The following NDUFB6 variants were observed in gnomAD, a reference collection of about 807,000 sequenced individuals.
NDUFB6 encodes NADH:ubiquinone oxidoreductase subunit B6, also known as NADH dehydrogenase [ubiquinone] 1 beta subcomplex subunit 6.
Under a neutral mutation model 17.5 loss-of-function variants are expected in NDUFB6, and 23 were observed. The ratio of observed to expected loss-of-function variants is 1.31; its 90% CI spans 0.94 to 1.86. The LOEUF is 1.86. Among genes scored for constraint, NDUFB6 ranks in the 40% most tolerant of loss-of-function variants. The pLI is 0.00. For synonymous variants in NDUFB6, 60 were observed against 53.5 expected (o/e 1.12, Z -0.53); for missense variants, 167 against 153.8 (o/e 1.09, Z -0.46).
intron 3 of NDUFB6, among the ~76,000 whole-genome samples, chr9:32,557,436 T>C (rs1821496292): frequency 6.6e-6 from 1 of 151,660 alleles, no homozygotes; most frequent in South Asian, 2.1e-4. Flanking sequence ...CCCATAGTGC[T>C]GTAATTACAG....
chr9:32,573,012 C>G lies in NDUFB6; in HGVS notation c.49G>C (p.Glu17Gln), dbSNP rs750770386. 1 of 1,604,928 alleles carries G rather than the reference C, an allele frequency of 6.2e-7. No individual in the cohort carries two copies. Among genetic ancestry groups the G allele is most frequent in the Middle Eastern group, 1.7e-4 (1 of 6,012 alleles). The change falls in exon 1 of 4, where the codon GAG becomes CAG. Residue 17 changes from glutamate (E) to glutamine (Q), a missense_variant. By Grantham distance (29) the Glu-to-Gln change is conservative. Coordinates refer to ENST00000379847, the MANE Select transcript of NDUFB6 (RefSeq NM_002493.5). ...DEKLRLQQLR[E>Q]LRRRWLKDQE... ...TCCTTCAGCCATCGCCTTCTCAGCT[C>G]TCGCAGCTGCTGCAGCCGCAGTTTC... is the stretch of plus-strand genomic sequence containing the variant.
intron 3 of NDUFB6, among the ~76,000 whole-genome samples, chr9:32,558,159 T>A (rs1242480475): frequency 2.0e-5 from 3 of 149,312 alleles, no homozygotes; most frequent in Non-Finnish European, 4.4e-5. Flanking sequence ...TCACCCAGGC[T>A]GGAGTGCAGT....
intron 3 of NDUFB6, among the ~76,000 whole-genome samples, chr9:32,557,976 C>T (rs1422526959): frequency 1.3e-5 from 2 of 152,150 alleles, no homozygotes; most frequent in Non-Finnish European, 2.9e-5. Flanking sequence ...TAGAAATAGA[C>T]AAGAACATAG....
chr9:32,563,491 C>CTTTTTTTTTTTTTTTTTTT lies in NDUFB6; in HGVS notation c.274-4538_274-4537insAAAAAAAAAAAAAAAAAAA, dbSNP rs111646430. The stretch of plus-strand genomic sequence containing the variant: ...CTCCTGAACAGGTGGGACTATTGGG[C>CTTTTTTTTTTTTTTTTTTT]TTTTTTTTTTTTTGGAGGGATGGGG... On this transcript the variant is annotated intron_variant, in intron 2 of 3. Coordinates refer to ENST00000379847, the MANE Select transcript of NDUFB6 (RefSeq NM_002493.5). 9.9e-4 allele frequency among the ~76,000 whole-genome samples: 91 copies of CTTTTTTTTTTTTTTTTTTT among 91,974 alleles called. 12 individuals carry two copies. The highest frequency in any genetic ancestry group is 3.3e-3 in the African/African-American group (74 of 22,572). The allele number at this position is 91,974 out of a possible 152,430, so 60.3% of individuals were successfully genotyped here.
chr9:32,560,412 G>C (rs948437905), intron 2 of NDUFB6, among the ~76,000 whole-genome samples: 1 of 152,142 alleles, frequency 6.6e-6, no homozygotes, highest in African/African-American at 2.4e-5. Context: ...GAAAAATGTA[G>C]TTAAATTTAG....
At chr9:32,566,336 T>C in intron 2 of NDUFB6, 2 of 1,173,630 alleles carry the variant, frequency 1.7e-6, no homozygotes, top group African/African-American at 1.5e-5. Context: ...GTTCTTTAAC[T>C]GCTTCCACCA....
chr9:32,555,872 A>G (rs775548959), intron 3 of NDUFB6, among the ~76,000 whole-genome samples: 3 of 152,232 alleles, frequency 2.0e-5, no homozygotes, highest in African/African-American at 7.2e-5. Flanking sequence ...GTGCCCATTC[A>G]AGTAATTTCT....
intron 2 of NDUFB6, among the ~76,000 whole-genome samples, chr9:32,560,106 A>C (rs1213605299): frequency 6.6e-6 from 1 of 152,234 alleles, no homozygotes; most frequent in African/African-American, 2.4e-5. Context: ...AAGTCATCTG[A>C]GAGATGCAGA....
At chr9:32,557,539 C>T (rs1235496539) in intron 3 of NDUFB6, among the ~76,000 whole-genome samples, 3 of 151,374 alleles carry the variant, frequency 2.0e-5, no homozygotes, top group Non-Finnish European at 4.4e-5. Flanking sequence ...GAGTGCAGTG[C>T]CACGATCTCA....
chr9:32,558,710 T>G (rs947953300), intron 3 of NDUFB6, among the ~76,000 whole-genome samples, 200 bp downstream of exon 3: 27 of 152,194 alleles, frequency 1.8e-4, no homozygotes, highest in African/African-American at 6.0e-4. Flanking sequence ...CACTTCCCAT[T>G]TGAACTGTAA....
chr9:32,557,669 G>A (rs979651745), intron 3 of NDUFB6, among the ~76,000 whole-genome samples: 1 of 151,780 alleles, frequency 6.6e-6, no homozygotes, highest in Non-Finnish European at 1.5e-5. Flanking sequence ...AGTAGAGACG[G>A]GGTTTCACCA....
chr9:32,554,694 C>T (rs1362668994), intron 3 of NDUFB6, among the ~76,000 whole-genome samples: 2 of 152,134 alleles, frequency 1.3e-5, no homozygotes, highest in East Asian at 3.8e-4. Flanking sequence ...TGCCATTATA[C>T]ATTTGGGCAA....
intron 2 of NDUFB6, chr9:32,567,779 C>G: frequency 6.9e-6 from 2 of 290,836 alleles, no homozygotes; most frequent in South Asian, 7.1e-5. Flanking sequence ...GTGACTGTTC[C>G]ACCAACTGGC....
intron 2 of NDUFB6, among the ~76,000 whole-genome samples, chr9:32,560,208 A>C (rs1479868623): frequency 6.6e-6 from 1 of 152,230 alleles, no homozygotes; most frequent in Non-Finnish European, 1.5e-5. Flanking sequence ...CAAGAGAAAA[A>C]GTAAGGTAAG....
intron 2 of NDUFB6, chr9:32,567,309 T>A (rs950327449): frequency 2.1e-6 from 1 of 470,302 alleles, no homozygotes; most frequent in Non-Finnish European, 4.4e-6. Flanking sequence ...TCACTTCACG[T>A]CTCTGTGCCA....
At chr9:32,562,558 T>C (rs2119016280) in intron 2 of NDUFB6, among the ~76,000 whole-genome samples, 1 of 152,360 alleles carries the variant, frequency 6.6e-6, no homozygotes, top group East Asian at 1.9e-4. Flanking sequence ...GTCTTTATTC[T>C]GAAATAATTT....
intron 2 of NDUFB6, among the ~76,000 whole-genome samples, chr9:32,564,227 T>C (rs1821711634): frequency 6.6e-6 from 1 of 152,216 alleles, no homozygotes; most frequent in South Asian, 2.1e-4. Flanking sequence ...TACCTCCAAT[T>C]CCATTCTACC....
rs554610387 is a variant in NDUFB6, at chr9:32,572,676, G to A, written c.180+205C>T. Among the ~76,000 whole-genome samples, 7 of 152,332 alleles carry A rather than the reference G, an allele frequency of 4.6e-5. No homozygotes were observed. In the South Asian group the frequency reaches 1.4e-3, roughly 32 times the overall value. ...TCGCCCCCGTCCACTGTACTTGACA[G>A]TAAAAGGCATGATTCTCTCAAAGCC... On this transcript the variant is annotated intron_variant, in intron 1 of 3. Transcript: ENST00000379847.
intron 1 of NDUFB6, among the ~76,000 whole-genome samples, chr9:32,572,427 T>C (rs936785509): frequency 2.6e-5 from 4 of 152,202 alleles, no homozygotes; most frequent in African/African-American, 9.6e-5. Flanking sequence ...GGGGATCACA[T>C]GGGGCTGTAC....
Sources: allele counts gnomAD v4.1 joint callset (sites outside exome capture counted in the v4.1 genomes callset), GRCh38; gene constraint gnomAD v4.1.1; transcripts MANE v1.5; gene names NCBI Gene and HGNC (gene_info 2026-07-23, HGNC 2026-07-21).